Variants in RALYL observed in about 807,000 individuals in gnomAD.
The protein encoded by RALYL is RNA-binding Raly-like protein.
A neutral mutation model predicts 35.1 loss-of-function variants in RALYL; 29 were observed. The observed-to-expected ratio is 0.83, with a 90% CI of 0.61 to 1.13. RALYL has a LOEUF of 1.13. Ranked by LOEUF, RALYL falls within the 50% of genes most tolerant of loss-of-function variation. The pLI, the probability that RALYL is intolerant of heterozygous loss-of-function variation, is 0.00. For synonymous variants in RALYL, 120 were observed against 127.6 expected, an observed-to-expected ratio of 0.94 and a Z score of 0.40; for missense variants, 359 against 360.4, an observed-to-expected ratio of 1.00 and a Z score of 0.03.
intron 1 of RALYL, among the ~76,000 whole-genome samples, chr8:84,397,829 A>T (rs1264993357): frequency 2.6e-5 from 4 of 152,194 alleles, no homozygotes; most frequent in Admixed American, 2.6e-4. Context: ...TTCTGGGAGT[A>T]TTTAATTTTA....
At chr8:84,271,578 T>C (rs1730991381) in intron 1 of RALYL, among the ~76,000 whole-genome samples, 1 of 151,612 alleles carries the variant, frequency 6.6e-6, no homozygotes, top group African/African-American at 2.4e-5. Context: ...TATAGGTAAA[T>C]TGAATAAACC....
chr8:84,401,412 C>T (rs1052983109), intron 1 of RALYL, among the ~76,000 whole-genome samples: 7 of 151,592 alleles, frequency 4.6e-5, no homozygotes, highest in African/African-American at 1.2e-4. Context: ...CCGAGGCGGG[C>T]GGATCACGAG....
intron 2 of RALYL, among the ~76,000 whole-genome samples, chr8:84,750,514 G>T (rs1173445268): frequency 1.3e-5 from 2 of 152,020 alleles, no homozygotes; most frequent in African/African-American, 4.8e-5. Flanking sequence ...CCCCTACCAT[G>T]GTTTGAATAT....
chr8:84,836,874 C>A (rs142836357), intron 4 of RALYL, among the ~76,000 whole-genome samples: 1 of 152,162 alleles, frequency 6.6e-6, no homozygotes, highest in African/African-American at 2.4e-5. Context: ...ATTTCTAGAA[C>A]TAACCATGGG....
At chr8:84,502,675 C>T (rs1387575680) in intron 1 of RALYL, among the ~76,000 whole-genome samples, 2 of 151,726 alleles carry the variant, frequency 1.3e-5, no homozygotes, top group Non-Finnish European at 1.5e-5. Flanking sequence ...TTCCCAATCT[C>T]CATGAATAAG....
chr8:84,229,724 ATTATAG>A (rs1484294377), intron 1 of RALYL, among the ~76,000 whole-genome samples: 2 of 152,208 alleles, frequency 1.3e-5, no homozygotes, highest in Non-Finnish European at 2.9e-5. Context: ...GGAAAGATAA[ATTATAG>A]TTAGAAGTAA....
At chr8:84,372,736 C>T (rs1855977290) in intron 1 of RALYL, among the ~76,000 whole-genome samples, 1 of 151,770 alleles carries the variant, frequency 6.6e-6, no homozygotes, top group African/African-American at 2.4e-5. Context: ...TGGGTATATA[C>T]CCAGTTATGG....
intron 1 of RALYL, among the ~76,000 whole-genome samples, chr8:84,514,090 T>TAAAAAAAAAAAAAAAAAAAAAAAAAA (rs57881021): frequency 2.4e-5 from 1 of 41,176 alleles, no homozygotes; most frequent in Non-Finnish European, 4.9e-5. Flanking sequence ...AGATTTCATC[T>TAAAAAAAAAAAAAAAAAAAAAAAAAA]AAAAAAAAAA....
chr8:84,455,232 C>T (rs711013), intron 1 of RALYL, among the ~76,000 whole-genome samples: 7 of 151,838 alleles, frequency 4.6e-5, no homozygotes, highest in Non-Finnish European at 1.0e-4. Flanking sequence ...TCATGTTAAC[C>T]CTTTTTTAAA....
intron 2 of RALYL, among the ~76,000 whole-genome samples, chr8:84,586,459 A>G (rs544913210): frequency 3.0e-4 from 45 of 152,276 alleles, no homozygotes; most frequent in African/African-American, 1.0e-3. Context: ...TTTACTAATG[A>G]CTCTCTATTT....
At chr8:84,632,313 A>G (rs1381060967) in intron 2 of RALYL, among the ~76,000 whole-genome samples, 1 of 151,972 alleles carries the variant, frequency 6.6e-6, no homozygotes, top group Non-Finnish European at 1.5e-5. Context: ...TAGCAGCCCA[A>G]ATGAACTAAG....
chr8:84,818,942 T>G (rs904480409), intron 4 of RALYL, among the ~76,000 whole-genome samples: 1 of 152,162 alleles, frequency 6.6e-6, no homozygotes, highest in Non-Finnish European at 1.5e-5. Flanking sequence ...CCATGCGTAG[T>G]GTTGAAACTA....
chr8:84,255,680 G>A (rs549481341), intron 1 of RALYL, among the ~76,000 whole-genome samples: 25 of 152,006 alleles, frequency 1.6e-4, no homozygotes, highest in Admixed American at 5.2e-4. Context: ...AAACATTGCC[G>A]CAGAATAAAC....
At chr8:84,407,930 T>C (rs1219372141) in intron 1 of RALYL, among the ~76,000 whole-genome samples, 1 of 152,204 alleles carries the variant, frequency 6.6e-6, no homozygotes, top group South Asian at 2.1e-4. Flanking sequence ...GTAAACAAAT[T>C]GTCCAAGGCA....
chr8:84,471,509 G>A (rs1232248755), intron 1 of RALYL, among the ~76,000 whole-genome samples: 4 of 151,928 alleles, frequency 2.6e-5, no homozygotes, highest in Non-Finnish European at 4.4e-5. Flanking sequence ...TGAGAAGATG[G>A]CTTGAGCCCA....
intron 1 of RALYL, among the ~76,000 whole-genome samples, chr8:84,527,810 T>A (rs867525839): frequency 1.6e-4 from 25 of 152,316 alleles, no homozygotes; most frequent in African/African-American, 5.8e-4. Flanking sequence ...TTGTTTCTAA[T>A]GGTGTTTTAC....
At chr8:84,875,483 CACTT>C (rs1371896993) in intron 7 of RALYL, among the ~76,000 whole-genome samples, 2 of 151,908 alleles carry the variant, frequency 1.3e-5, no homozygotes, top group African/African-American at 4.8e-5. Flanking sequence ...CATGAGATGT[CACTT>C]ACTTTTGAAC....
intron 1 of RALYL, among the ~76,000 whole-genome samples, chr8:84,223,279 G>A (rs1337565694): frequency 1.5e-5 from 2 of 132,768 alleles, no homozygotes; most frequent in Non-Finnish European, 3.0e-5. Flanking sequence ...TAAATGTCTA[G>A]AATTTAATAT....
intron 1 of RALYL, among the ~76,000 whole-genome samples, chr8:84,250,170 T>A (rs16912613): frequency 6.6e-6 from 1 of 152,020 alleles, no homozygotes; most frequent in Non-Finnish European, 1.5e-5. Context: ...TCAAAAAATT[T>A]ATTATGGCCG....
Sources: gnomAD v4.1 joint callset for allele counts (sites outside exome capture counted in the v4.1 genomes callset) on GRCh38, gnomAD v4.1.1 for gene constraint, MANE v1.5 for transcripts, NCBI Gene and HGNC (gene_info 2026-07-23, HGNC 2026-07-21) for gene names.